Variants in TMEM178A observed in about 807,000 individuals in gnomAD.
TMEM178A encodes transmembrane protein 178A.
Under a neutral mutation model 29.1 loss-of-function variants are expected in TMEM178A, and 12 were observed. That is an observed-to-expected ratio of 0.41 (90% confidence interval 0.26 to 0.67). The LOEUF (loss-of-function observed/expected upper bound fraction) is 0.67. Ranked by LOEUF, TMEM178A falls within the 30% of genes least tolerant of loss-of-function variation. The pLI is 0.29. For synonymous variants in TMEM178A, 210 were observed against 187.2 expected (o/e 1.12, Z -0.99); for missense variants, 366 against 419.1 (o/e 0.87, Z 1.11).
chr2:39,705,736 C>G (rs545488782), intron 2 of TMEM178A, among the ~76,000 whole-genome samples: 2 of 152,296 alleles, frequency 1.3e-5, no homozygotes, highest in South Asian at 4.1e-4. Flanking sequence ...CTAAGCTGCC[C>G]AGGAGCCACA....
At chr2:39,682,280 A>G (rs953755924) in intron 1 of TMEM178A, among the ~76,000 whole-genome samples, 7 of 152,194 alleles carry the variant, frequency 4.6e-5, no homozygotes, top group Non-Finnish European at 5.9e-5. Flanking sequence ...TAATGACTCA[A>G]GGTTATCAGT....
At chr2:39,721,715 C>G (rs541636025), downstream of TMEM178A, among the ~76,000 whole-genome samples, 65 of 152,128 alleles carry the variant, frequency 4.3e-4, 1 homozygote, top group South Asian at 9.2e-3. Context: ...ATCAGTTGGC[C>G]AGGTGTGGTG....
At chr2:39,708,361 T>C (rs1234651325) in intron 3 of TMEM178A, among the ~76,000 whole-genome samples, 3 of 147,908 alleles carry the variant, frequency 2.0e-5, no homozygotes, top group African/African-American at 5.0e-5. Flanking sequence ...GATTTGAAGC[T>C]AAGGGTGACA....
At chr2:39,686,135 C>G (rs749213345) in intron 1 of TMEM178A, among the ~76,000 whole-genome samples, 4 of 152,202 alleles carry the variant, frequency 2.6e-5, no homozygotes, top group Admixed American at 6.5e-5. Context: ...TCTACTGAGC[C>G]CTGAGCAGGA....
At chr2:39,691,798 T>C (rs554098044) in intron 1 of TMEM178A, among the ~76,000 whole-genome samples, 1 of 151,754 alleles carries the variant, frequency 6.6e-6, no homozygotes, top group Non-Finnish European at 1.5e-5. Context: ...TATATAGATA[T>C]ATAAAACATT....
At chr2:39,693,916 A>G (rs941820399) in intron 1 of TMEM178A, among the ~76,000 whole-genome samples, 1 of 151,870 alleles carries the variant, frequency 6.6e-6, no homozygotes, top group Non-Finnish European at 1.5e-5. Flanking sequence ...ACTGTTGCAC[A>G]AGATCATGCC....
the TMEM178A span, among the ~76,000 whole-genome samples, chr2:39,730,626 G>A: frequency 3.9e-5 from 6 of 152,176 alleles, no homozygotes; most frequent in South Asian, 2.1e-4. Context: ...TGGTGTGGTC[G>A]TTCGTTCTAA....
intron 3 of TMEM178A, among the ~76,000 whole-genome samples, chr2:39,710,797 C>G (rs1672267656): frequency 6.6e-6 from 1 of 152,268 alleles, no homozygotes; most frequent in Non-Finnish European, 1.5e-5. Context: ...TTAGCCCCTT[C>G]TAATGCTCTG....
downstream of TMEM178A, among the ~76,000 whole-genome samples, chr2:39,722,340 G>GA (rs1278571168): frequency 1.3e-5 from 2 of 152,062 alleles, no homozygotes; most frequent in South Asian, 2.1e-4. Flanking sequence ...AGGGGAAAAA[G>GA]AAAAAACTGC....
At chr2:39,704,864 C>T (rs924757229) in intron 2 of TMEM178A, among the ~76,000 whole-genome samples, 3 of 152,204 alleles carry the variant, frequency 2.0e-5, no homozygotes, top group Non-Finnish European at 4.4e-5. Flanking sequence ...TTGTCATTTT[C>T]CAATGAAATA....
intron 1 of TMEM178A, among the ~76,000 whole-genome samples, chr2:39,668,150 G>C (rs1455525221): frequency 6.6e-6 from 1 of 152,224 alleles, no homozygotes; most frequent in African/African-American, 2.4e-5. Flanking sequence ...TAACTGAGGT[G>C]CCAGTTCCAG....
In TMEM178A at chr2:39,717,472, A is replaced by C; in HGVS notation, c.*221A>C. 2.0e-6 allele frequency: 1 copy of C among 510,234 alleles called. No homozygotes were observed. The highest frequency in any genetic ancestry group is 3.2e-6 in the Non-Finnish European group (1 of 308,478). 31.6% of individuals were successfully genotyped at this position (510,234 alleles called of 1,614,324 possible). A position where few individuals can be genotyped will look rare whatever the true frequency, so the allele number is the denominator to read the frequency against. ...TGACTATTTATGCGTTGACTGTGAG[A>C]ATAGGGAGCAGTGCCATGGGACATT... On this transcript the variant is annotated 3_prime_UTR_variant, in exon 4 of 4. Coordinates refer to ENST00000281961, the MANE Select transcript of TMEM178A (RefSeq NM_152390.3).
In TMEM178A at chr2:39,707,111, A is replaced by G. The variant is rs1212912994; in HGVS notation, c.577A>G (p.Ile193Val). Residue 193 changes from isoleucine to valine, a missense_variant, in exon 3 of 4, where the codon ATT becomes GTT. Around this residue, in one of 2 missense-constraint regions of TMEM178A, gnomAD observed 119 missense variants for 172.2 expected, o/e 0.69. Coordinates refer to ENST00000281961, the MANE Select transcript of TMEM178A (RefSeq NM_152390.3). ...CGTAGCCGTCCTTCTCTGCGGCTGCATTGTGGCCACAGTCAGTTTCTTCTG... is the reference window on the plus strand; with the variant it reads ...CGTAGCCGTCCTTCTCTGCGGCTGCGTTGTGGCCACAGTCAGTTTCTTCTG... Reference protein sequence around the residue: ...MAVAVLLCGCIVATVSFFWEE... With the variant: ...MAVAVLLCGCVVATVSFFWEE... 5 of 1,614,158 alleles carry G rather than the reference A, an allele frequency of 3.1e-6. No individual in the cohort carries two copies. The highest frequency in any genetic ancestry group is 4.2e-6 in the Non-Finnish European group (5 of 1,180,016).
At chr2:39,731,981 C>G in the TMEM178A span, among the ~76,000 whole-genome samples, 1 of 152,162 alleles carries the variant, frequency 6.6e-6, no homozygotes, top group Non-Finnish European at 1.5e-5. Flanking sequence ...CAAAAATATT[C>G]ACCTATATTG....
At chr2:39,716,867 C>T in intron 3 of TMEM178A, 143 bp from the exon 4 acceptor site, 2 of 1,068,896 alleles carry the variant, frequency 1.9e-6, no homozygotes, top group Non-Finnish European at 2.7e-6. Context: ...TGAATTAATT[C>T]AAGTAAAATA....
the TMEM178A span, among the ~76,000 whole-genome samples, chr2:39,727,949 A>G: frequency 6.6e-6 from 1 of 152,038 alleles, no homozygotes; most frequent in Admixed American, 6.6e-5. Flanking sequence ...CATTTTCTTA[A>G]TCCAGTCTAT....
At chr2:39,680,712 TGAA>T (rs944094850) in intron 1 of TMEM178A, among the ~76,000 whole-genome samples, 8 of 152,196 alleles carry the variant, frequency 5.3e-5, no homozygotes, top group African/African-American at 1.9e-4. Context: ...TAAATTTCTT[TGAA>T]GAAGTTTTGA....
chr2:39,695,138 C>A (rs1423839074), intron 1 of TMEM178A, among the ~76,000 whole-genome samples: 1 of 152,156 alleles, frequency 6.6e-6, no homozygotes, highest in African/African-American at 2.4e-5. Flanking sequence ...TGTCCTATGA[C>A]TGCATGATTG....
Position 39,715,953 on chromosome 2 carries a change from T to C in TMEM178A, c.653-1057T>C, listed in dbSNP as rs117413548. 2.8e-4 allele frequency among the ~76,000 whole-genome samples: 43 copies of C among 152,334 alleles called. No homozygotes were observed. The East Asian group carries it at 7.7e-3, about 27-fold the overall frequency. On this transcript the variant is annotated intron_variant, in intron 3 of 3. Coordinates refer to ENST00000281961, the MANE Select transcript of TMEM178A (RefSeq NM_152390.3). ...TAATCTGCTACTTTTAGCTCTCTCT[T>C]TTCAGTTTCAAAATCTGTGTCTCTG...
Sources: gnomAD v4.1 joint callset for allele counts (sites outside exome capture counted in the v4.1 genomes callset) on GRCh38, gnomAD v4.1.1 for gene constraint, gnomAD v4.1.1 regional missense constraint, MANE v1.5 for transcripts, NCBI Gene and HGNC (gene_info 2026-07-23, HGNC 2026-07-21) for gene names.